Variants in ITGA9 observed in about 807,000 individuals in gnomAD.
ITGA9 encodes the protein integrin subunit alpha 9.
In ITGA9, 56 loss-of-function variants were observed where a neutral mutation model predicts 127.8. That is an observed-to-expected ratio of 0.44 (90% CI 0.35 to 0.55). The LOEUF (loss-of-function observed/expected upper bound fraction) is 0.55. Among genes scored for constraint, ITGA9 ranks in the 20% least tolerant of loss-of-function variants. ITGA9 has a pLI of 0.00. For synonymous variants in ITGA9, 508 were observed against 514.5 expected (o/e 0.99, Z 0.17); for missense variants, 1,196 against 1,347.1 (o/e 0.89, Z 1.76).
At chr3:37,578,693 C>T (rs1699676456) in intron 15 of ITGA9, among the ~76,000 whole-genome samples, 1 of 152,012 alleles carries the variant, frequency 6.6e-6, no homozygotes, top group Non-Finnish European at 1.5e-5. Context: ...ATCCTTTTGG[C>T]CTTAAACAAA....
At position 37,819,263 on chromosome 3, in the gene ITGA9, G is replaced by A; in HGVS notation, c.*274G>A. On this transcript the variant is annotated 3_prime_UTR_variant, in exon 28 of 28. Transcript: ENST00000264741. ...AATATTTATGGATGCAACACGCATG[G>A]TCAACCCTCAGGGGAAAACTGTTAC... is the stretch of plus-strand genomic sequence containing the variant. 1 of 521,472 alleles carries A rather than the reference G, an allele frequency of 1.9e-6. No homozygotes were observed. The highest frequency in any genetic ancestry group is 3.4e-6 in the Non-Finnish European group (1 of 290,630). The allele number at this position is 521,472 out of a possible 1,614,324, so 32.3% of individuals were successfully genotyped here. A position where few individuals can be genotyped will look rare whatever the true frequency, so the allele number is the denominator to read the frequency against.
At chr3:37,765,123 C>T (rs962684161) in intron 23 of ITGA9, among the ~76,000 whole-genome samples, 3 of 152,096 alleles carry the variant, frequency 2.0e-5, no homozygotes, top group African/African-American at 7.2e-5. Context: ...GAAATGGCTG[C>T]TTCCACTCTG....
intron 15 of ITGA9, among the ~76,000 whole-genome samples, chr3:37,555,587 G>C (rs1339492527): frequency 6.6e-6 from 1 of 152,216 alleles, no homozygotes; most frequent in African/African-American, 2.4e-5. Context: ...TCCTGCCACA[G>C]TACAGCATGG....
intron 15 of ITGA9, among the ~76,000 whole-genome samples, chr3:37,622,581 A>G (rs1169681913): frequency 6.6e-6 from 1 of 152,132 alleles, no homozygotes; most frequent in Non-Finnish European, 1.5e-5. Flanking sequence ...AGTGGCTTAT[A>G]TCTGCAATCC....
At chr3:37,499,554 A>G (rs1041261284) in intron 5 of ITGA9, among the ~76,000 whole-genome samples, 1 of 151,960 alleles carries the variant, frequency 6.6e-6, no homozygotes, top group Non-Finnish European at 1.5e-5. Flanking sequence ...CATGGTGGGG[A>G]GCTAAGTATT....
chr3:37,717,854 A>G (rs1701151065), intron 18 of ITGA9, among the ~76,000 whole-genome samples: 1 of 152,252 alleles, frequency 6.6e-6, no homozygotes, highest in Non-Finnish European at 1.5e-5. Context: ...CATAATTTAA[A>G]TAACTAGTAG....
chr3:37,645,487 C>T (rs1036103958), intron 16 of ITGA9, among the ~76,000 whole-genome samples: 1 of 152,068 alleles, frequency 6.6e-6, no homozygotes, highest in Non-Finnish European at 1.5e-5. Flanking sequence ...AGACTTGAAC[C>T]CAGGAGGTAG....
chr3:37,513,991 T>C, intron 9 of ITGA9, 91 bp downstream of exon 9: 1 of 1,461,848 alleles, frequency 6.8e-7, no homozygotes. Context: ...GGGCCGGCAC[T>C]GGGGGCAATG....
intron 15 of ITGA9, among the ~76,000 whole-genome samples, chr3:37,584,869 T>C (rs1699742818): frequency 6.6e-6 from 1 of 152,146 alleles, no homozygotes; most frequent in African/African-American, 2.4e-5. Flanking sequence ...AGTGGCTATG[T>C]TGGCTATTCT....
intron 15 of ITGA9, among the ~76,000 whole-genome samples, chr3:37,614,727 A>G (rs1310387457): frequency 1.3e-5 from 2 of 151,918 alleles, no homozygotes; most frequent in Non-Finnish European, 2.9e-5. Context: ...CTTTGAAGCA[A>G]TTGTGAATGG....
chr3:37,797,025 G>T (rs1253762599), intron 26 of ITGA9, among the ~76,000 whole-genome samples: 3 of 152,130 alleles, frequency 2.0e-5, no homozygotes, highest in Non-Finnish European at 4.4e-5. Context: ...GTCAGGTTAG[G>T]GAGGAACAGG....
At chr3:37,497,084 A>T (rs1001628365) in intron 5 of ITGA9, among the ~76,000 whole-genome samples, 2 of 152,164 alleles carry the variant, frequency 1.3e-5, no homozygotes, top group Admixed American at 6.5e-5. Context: ...TCCTTTTAAA[A>T]TATTGACCAT....
rs78692800 is a variant in ITGA9, at chr3:37,730,483, T to C, written c.2068-2229T>C. The stretch of plus-strand genomic sequence containing the variant: ...AGAAATTATTCTCTGGTTTTCCTTA[T>C]TGAAATTGCCAATGCCTGTTCTCTA... On this transcript the variant is annotated intron_variant, in intron 18 of 27. Transcript: ENST00000264741. 9.5e-3 allele frequency among the ~76,000 whole-genome samples: 1,441 copies of C among 152,330 alleles called. 19 individuals carry two copies. The highest frequency in any genetic ancestry group is 0.032 in the African/African-American group (1,315 of 41,590).
intron 15 of ITGA9, among the ~76,000 whole-genome samples, chr3:37,558,511 T>C (rs730171): frequency 0.98 from 148,647 of 152,330 alleles, 72,629 homozygotes; most frequent in Non-Finnish European, 0.99. Context: ...ATCAGTGATG[T>C]AGTGTCCTAT....
chr3:37,662,036 G>A (rs1030163207), intron 17 of ITGA9, among the ~76,000 whole-genome samples: 6 of 152,196 alleles, frequency 3.9e-5, no homozygotes, highest in African/African-American at 1.4e-4. Context: ...GAACACTTAT[G>A]AGTCTGGACT....
chr3:37,753,073 GA>G (rs994779884), intron 23 of ITGA9, among the ~76,000 whole-genome samples: 6 of 151,788 alleles, frequency 4.0e-5, no homozygotes, highest in Non-Finnish European at 7.4e-5. Context: ...CCACAGCACA[GA>G]AAAAAAAGGA....
intron 19 of ITGA9, among the ~76,000 whole-genome samples, chr3:37,735,373 T>C (rs188031514): frequency 9.8e-4 from 148 of 151,762 alleles, no homozygotes; most frequent in Non-Finnish European, 1.9e-3. Flanking sequence ...GCAACAGAAA[T>C]TTCTGTCTAG....
chr3:37,749,752 T>C (rs1269401816), intron 22 of ITGA9: 1 of 152,918 alleles, frequency 6.5e-6, no homozygotes, highest in African/African-American at 2.4e-5. Context: ...AGGGGTACAG[T>C]TGTGCAAGTG....
At chr3:37,747,965 A>G (rs1173565542) in intron 22 of ITGA9, 1 of 237,534 alleles carries the variant, frequency 4.2e-6, no homozygotes, top group Non-Finnish European at 8.3e-6. Context: ...GGTCTCAAAC[A>G]TGCCTGCCTC....
Sources: allele counts gnomAD v4.1 joint callset (sites outside exome capture counted in the v4.1 genomes callset), GRCh38; gene constraint gnomAD v4.1.1; transcripts MANE v1.5; gene names NCBI Gene and HGNC (gene_info 2026-07-23, HGNC 2026-07-21).